The following NBPF12 variants were observed in gnomAD, a reference collection of about 807,000 sequenced individuals.
The protein encoded by NBPF12 is NBPF member 12.
A neutral mutation model predicts 146.4 loss-of-function variants in NBPF12; 115 were observed. The ratio of observed to expected loss-of-function variants is 0.79; its 90% CI spans 0.68 to 0.92. NBPF12 has a LOEUF of 0.92. Ranked by LOEUF, NBPF12 falls within the 40% of genes least tolerant of loss-of-function variation. The probability of loss-of-function intolerance (pLI) is 0.00; values close to 1 mark genes in which losing one functional copy is unlikely to be tolerated. For missense variants in NBPF12, 1,205 were observed against 1,326.8 expected (o/e 0.91, Z 1.43); for synonymous variants, 385 against 508.9 (o/e 0.76, Z 3.28).
exon 32 of NBPF12, chr1:146,992,719 A>C: frequency 1.5e-6 from 1 of 676,356 alleles, no homozygotes; most frequent in Non-Finnish European, 2.7e-6. Context: ...CAGGCTCAGC[A>C]GGGAGCTGCT....
intron 19 of NBPF12, among the ~76,000 whole-genome samples, chr1:146,981,294 A>AAAATAT (rs1162326884): frequency 3.3e-5 from 3 of 90,224 alleles, no homozygotes; most frequent in African/African-American, 1.4e-4. Flanking sequence ...AAAAAAAAAA[A>AAAATAT]ATATATATAT....
chr1:146,953,754 C>T (rs1273322187), intron 2 of NBPF12, among the ~76,000 whole-genome samples: 2 of 134,560 alleles, frequency 1.5e-5, no homozygotes, highest in African/African-American at 2.9e-5. Flanking sequence ...AGATTGAATG[C>T]TTTTCTATTA....
At chr1:146,940,702 C>T (rs1389093319) in intron 1 of NBPF12, among the ~76,000 whole-genome samples, 1 of 151,992 alleles carries the variant, frequency 6.6e-6, no homozygotes, top group South Asian at 2.1e-4. Flanking sequence ...TTTAGTATTA[C>T]ATATGGCTGA....
At chr1:146,947,064 A>G (rs1437223822), upstream of NBPF12, among the ~76,000 whole-genome samples, 6 of 151,856 alleles carry the variant, frequency 4.0e-5, no homozygotes, top group African/African-American at 1.5e-4. Flanking sequence ...CCAACTTCAC[A>G]CTATTTGGGT....
At chr1:146,966,671 A>C (rs2101861727) in exon 9 of NBPF12, 1 of 1,344,352 alleles carries the variant, frequency 7.4e-7, no homozygotes, top group South Asian at 1.2e-5. Flanking sequence ...CAGAACAAAT[A>C]CAGTAAGATC....
rs1393475868 is a variant in NBPF12, at chr1:146,960,248, C to T, written c.105C>T (p.Phe35=). Reference sequence around the variant, plus strand: ...AGTTGGCAGAGAACAAACAGCAGTTCAGAAACCTCAAAGAGAGATGTTTTC... The same window carrying T: ...AGTTGGCAGAGAACAAACAGCAGTTTAGAAACCTCAAAGAGAGATGTTTTC... The change falls in exon 4 of 34, where the codon TTC becomes TTT. Residue 35 remains phenylalanine, a synonymous_variant. Transcript: ENST00000617844. 84 of 1,408,012 alleles carry T rather than the reference C, an allele frequency of 6.0e-5. 1 individual carries two copies. Among genetic ancestry groups the T allele is most frequent in the Non-Finnish European group, 1.9e-5 (19 of 1,010,436 alleles). 87.2% of individuals were successfully genotyped at this position (1,408,012 alleles called of 1,614,324 possible). A position where few individuals can be genotyped will look rare whatever the true frequency, so the allele number is the denominator to read the frequency against.
chr1:146,956,302 A>T (rs1655584534), intron 2 of NBPF12, among the ~76,000 whole-genome samples: 1 of 152,076 alleles, frequency 6.6e-6, no homozygotes, highest in African/African-American at 2.4e-5. Context: ...ATGGTTAAAA[A>T]TGCAAACGGA....
At chr1:146,946,512 C>CTTTTTTTTTTTTTT (rs3071268), upstream of NBPF12, among the ~76,000 whole-genome samples, 3 of 41,042 alleles carry the variant, frequency 7.3e-5, no homozygotes, top group East Asian at 1.3e-3. Context: ...GATCTTTCAC[C>CTTTTTTTTTTTTTT]TTTTTTTTTT....
At chr1:146,994,359 A>C (rs782779225) in exon 34 of NBPF12, 1 of 1,612,068 alleles carries the variant, frequency 6.2e-7, no homozygotes, top group South Asian at 1.1e-5. Context: ...TGGAAGTGGA[A>C]GAGCCTGAAG....
At chr1:146,950,573 C>G (rs1655283688) in intron 1 of NBPF12, among the ~76,000 whole-genome samples, 1 of 151,896 alleles carries the variant, frequency 6.6e-6, no homozygotes, top group African/African-American at 2.4e-5. Context: ...TCTGGGCTCT[C>G]TGCTCTGCAT....
chr1:146,975,299 C>A, intron 15 of NBPF12, among the ~76,000 whole-genome samples: 1 of 127,682 alleles, frequency 7.8e-6, no homozygotes, highest in Non-Finnish European at 1.6e-5. Context: ...CATCTGGCCT[C>A]ATTTCTGTAC....
At position 146,965,158 on chromosome 1, in the gene NBPF12, A is replaced by G. The variant is rs1204470841; in HGVS notation, c.778+54A>G. 127 of 1,032,408 alleles carry G rather than the reference A, an allele frequency of 1.2e-4. No individual in the cohort carries two copies. In the Admixed American group the frequency reaches 2.1e-3, roughly 17 times the overall value. The allele number at this position is 1,032,408 out of a possible 1,614,324, so 64.0% of individuals were successfully genotyped here. A position where few individuals can be genotyped will look rare whatever the true frequency, so the allele number is the denominator to read the frequency against. On this transcript the variant is annotated intron_variant, in intron 8 of 33. Transcript: ENST00000617844. Reference sequence around the variant, plus strand: ...CCTCTGTCTAGGCTATGGAAGATCAATTCTGAGGACAGGCTGTATATACAC... The same window carrying G: ...CCTCTGTCTAGGCTATGGAAGATCAGTTCTGAGGACAGGCTGTATATACAC...
exon 34 of NBPF12, chr1:146,995,019 A>G (rs1658458305): frequency 2.2e-5 from 5 of 225,320 alleles, no homozygotes; most frequent in South Asian, 1.3e-4. Context: ...TAGCTGATCC[A>G]TCTGTAACAC....
Position 146,962,276 on chromosome 1 carries a change from C to T in NBPF12, c.278+13C>T. The T allele has an allele frequency of 6.2e-7, 1 of 1,600,460 alleles. No individual in the cohort carries two copies. The highest frequency in any genetic ancestry group is 2.2e-5 in the East Asian group (1 of 44,858). On this transcript the variant is annotated intron_variant, in intron 5 of 33. Coordinates refer to ENST00000617844, the Ensembl canonical transcript of NBPF12. Reference sequence around the variant, plus strand: ...CTGAGGAGCTCAGGTGAGGGGACCCCATGGGGGGAGGCAGGCGGGTAGGTG... The same window carrying T: ...CTGAGGAGCTCAGGTGAGGGGACCCTATGGGGGGAGGCAGGCGGGTAGGTG...
chr1:146,994,498 A>C, exon 34 of NBPF12: 2 of 1,609,154 alleles, frequency 1.2e-6, no homozygotes, highest in Non-Finnish European at 1.7e-6. Flanking sequence ...TGCCCTTGAC[A>C]TGGACAATAG....
intron 2 of NBPF12, among the ~76,000 whole-genome samples, chr1:146,943,854 C>T (rs1654906764): frequency 6.7e-6 from 1 of 148,642 alleles, no homozygotes; most frequent in Non-Finnish European, 1.5e-5. Context: ...TCTCTCTTCC[C>T]CTCTCACCCC....
chr1:146,944,972 C>T (rs1431437506), upstream of NBPF12, among the ~76,000 whole-genome samples: 1 of 82,354 alleles, frequency 1.2e-5, no homozygotes, highest in Non-Finnish European at 2.4e-5. Context: ...CCCTTCCTCC[C>T]TCCCTCCCTG....
At chr1:146,980,250 G>A (rs1323802650) in intron 19 of NBPF12, among the ~76,000 whole-genome samples, 9 of 151,950 alleles carry the variant, frequency 5.9e-5, no homozygotes, top group Admixed American at 1.3e-4. Context: ...CGCACCGATG[G>A]GTCTTGACTC....
upstream of NBPF12, among the ~76,000 whole-genome samples, chr1:146,945,604 T>G (rs1360823939): frequency 6.7e-6 from 1 of 150,118 alleles, no homozygotes; most frequent in Non-Finnish European, 1.5e-5. Flanking sequence ...GGTAAGGGGC[T>G]GCTGCATCCT....
Sources: gnomAD v4.1 joint callset for allele counts (sites outside exome capture counted in the v4.1 genomes callset) on GRCh38, gnomAD v4.1.1 for gene constraint, MANE v1.5 for transcripts, NCBI Gene and HGNC (gene_info 2026-07-23, HGNC 2026-07-21) for gene names.